DLG4: variants seen among roughly 807,000 people sequenced by gnomAD.
DLG4 encodes disks large homolog 4.
Under a neutral mutation model 93.8 loss-of-function variants are expected in DLG4, and 7 were observed. The observed-to-expected ratio is 0.07, with a 90% CI of 0.04 to 0.14. The LOEUF is 0.14. DLG4 is among the 10% of genes least tolerant of loss of function. DLG4 has a pLI of 1.00. For synonymous variants in DLG4, 341 were observed against 387.6 expected (o/e 0.88, Z 1.41); for missense variants, 545 against 992.9 (o/e 0.55, Z 6.06).
At chr17:7,198,839 CTCCATCTCA>C (rs1416853372) in intron 8 of DLG4, among the ~76,000 whole-genome samples, 2 of 134,570 alleles carry the variant, frequency 1.5e-5, no homozygotes, top group African/African-American at 5.8e-5. Flanking sequence ...CAGAGTGAGA[CTCCATCTCA>C]AAAAAAAAAA....
chr17:7,208,091 T>A lies in DLG4; in HGVS notation c.96+83A>T, dbSNP rs760046601. On this transcript the variant is annotated intron_variant, in intron 2 of 19. Coordinates refer to ENST00000399506, the MANE Select transcript of DLG4 (RefSeq NM_001321075.3). The surrounding 1 kb of genome is among the most constrained non-coding windows in gnomAD (Gnocchi z 5.4). ...GTCTCCTACCTTGAAGGGGGAGAGG[T>A]GGGCGTGGCCCACGACCCCGTGGCC... 3.0e-6 allele frequency: 4 copies of A among 1,315,598 alleles called. No individual in the cohort carries two copies. The East Asian group carries it at 1.1e-4, about 37-fold the overall frequency. The allele number at this position is 1,315,598 out of a possible 1,614,324, so 81.5% of individuals were successfully genotyped here. A position where few individuals can be genotyped will look rare whatever the true frequency, so the allele number is the denominator to read the frequency against.
At chr17:7,198,824 G>A (rs1477662885) in intron 8 of DLG4, among the ~76,000 whole-genome samples, 22 of 148,876 alleles carry the variant, frequency 1.5e-4, no homozygotes, top group Admixed American at 1.0e-3. Flanking sequence ...CTCCAGCCTG[G>A]GTGACAGAGT....
chr17:7,196,530 T>C lies in DLG4; in HGVS notation c.1129A>G (p.Ile377Val), dbSNP rs1410166649. 5 of 1,614,018 alleles carry C rather than the reference T, an allele frequency of 3.1e-6. No individual in the cohort carries two copies. Among genetic ancestry groups the C allele is most frequent in the Non-Finnish European group, 4.2e-6 (5 of 1,179,886 alleles). Residue 377 changes from isoleucine (I) to valine (V), a missense_variant, in exon 10 of 20, where the codon ATT becomes GTT. Around this residue, in one of 5 missense-constraint regions of DLG4, gnomAD observed 428 missense variants for 741.4 expected, o/e 0.58. Transcript: ENST00000399506. The surrounding 1 kb of genome is among the most constrained non-coding windows in gnomAD (Gnocchi z 8.3). ...LRNASHEQAA[I>V]ALKNAGQTVT... is the part of the protein sequence containing the mutation. ...GTCTGACCCGCATTCTTCAGGGCAA[T>C]GGCAGCCTGCTCATGGCTGGCATTT... is the stretch of plus-strand genomic sequence containing the variant.
In DLG4 at chr17:7,203,241, AC is replaced by A; in HGVS notation, c.593del (p.Gly198ValfsTer23). 6.2e-7 allele frequency: 1 copy of A among 1,610,020 alleles called. No homozygotes were observed. The highest frequency in any genetic ancestry group is 8.5e-7 in the Non-Finnish European group (1 of 1,176,704). ...GCAACCTCCCATCCTTGTGGGCAGC[AC>A]CCCCTTCGATGATCTTTGTTACATA... ...SIYVTKIIEG[G>X]AAHKDGRLQI... On this transcript the variant is annotated frameshift_variant, in exon 7 of 20. Coordinates refer to ENST00000399506, the MANE Select transcript of DLG4 (RefSeq NM_001321075.3). LOFTEE classifies it high-confidence loss of function. This position sits in a 1 kb window ranked among gnomAD's most constrained non-coding sequence, Gnocchi z 7.2.
chr17:7,216,103 C>G (rs1383271960), intron 1 of DLG4, among the ~76,000 whole-genome samples: 1 of 151,690 alleles, frequency 6.6e-6, no homozygotes, highest in Non-Finnish European at 1.5e-5. Context: ...GCCCTGCCCT[C>G]CTCCTACACC....
intron 19 of DLG4, 145 bp from the exon 20 acceptor site, chr17:7,190,959 A>G (rs967505788): frequency 2.0e-6 from 1 of 505,082 alleles, no homozygotes; most frequent in Non-Finnish European, 3.3e-6. Context: ...CCACAGGGGC[A>G]CCTCTTTTTT....
In DLG4 at chr17:7,203,117, G is replaced by T; in HGVS notation, c.643-70C>A. 5 of 1,572,194 alleles carry T rather than the reference G, an allele frequency of 3.2e-6. No individual in the cohort carries two copies. Among genetic ancestry groups the T allele is most frequent in the Non-Finnish European group, 4.3e-6 (5 of 1,151,612 alleles). On this transcript the variant is annotated intron_variant, in intron 7 of 19. Coordinates refer to ENST00000399506, the MANE Select transcript of DLG4 (RefSeq NM_001321075.3). The surrounding 1 kb of genome is among the most constrained non-coding windows in gnomAD (Gnocchi z 7.2). ...CAAGACAGAAGCACTGGGGTGAAGT[G>T]ATGAACTTGGGCCTGCCAGGGCTAG...
At chr17:7,211,135 G>A (rs1337187432) in intron 1 of DLG4, among the ~76,000 whole-genome samples, 1 of 141,976 alleles carries the variant, frequency 7.0e-6, no homozygotes. Flanking sequence ...GGGTGGGGGT[G>A]GGGGCGGGGG....
chr17:7,207,932 A>C, intron 2 of DLG4: 19 of 505,092 alleles, frequency 3.8e-5, no homozygotes, highest in East Asian at 2.3e-4. Flanking sequence ...CCCAGACCCC[A>C]GGAGCCCAAG....
At position 7,188,590 on chromosome 17, in the gene DLG4, T is replaced by C. The variant is rs564596891; in HGVS notation, c.*2118A>G. 1.7e-4 allele frequency among the ~76,000 whole-genome samples: 26 copies of C among 152,244 alleles called. No individual in the cohort carries two copies. The highest frequency in any genetic ancestry group is 6.0e-4 in the African/African-American group (25 of 41,554). On this transcript the variant is annotated 3_prime_UTR_variant, in exon 20 of 20. Coordinates refer to ENST00000399506, the MANE Select transcript of DLG4 (RefSeq NM_001321075.3). Reference sequence around the variant, plus strand: ...GATCTCAGGAGCTTCAGTTAGGACTTAGGGCCAGGAAAATATGACTCCCTA... The same window carrying C: ...GATCTCAGGAGCTTCAGTTAGGACTCAGGGCCAGGAAAATATGACTCCCTA...
In DLG4 at chr17:7,196,499, G is replaced by T; in HGVS notation, c.1160C>A (p.Thr387Lys). 2 of 1,613,990 alleles carry T rather than the reference G, an allele frequency of 1.2e-6. No individual in the cohort carries two copies. The highest frequency in any genetic ancestry group is 1.7e-6 in the Non-Finnish European group (2 of 1,179,888). The change falls in exon 10 of 20, where the codon ACG becomes AAG. Residue 387 changes from threonine (T) to lysine (K), a missense_variant. Thr to Lys is a moderately conservative substitution (Grantham distance 78). Around this residue, in one of 5 missense-constraint regions of DLG4, gnomAD observed 428 missense variants for 741.4 expected, o/e 0.58. Coordinates refer to ENST00000399506, the MANE Select transcript of DLG4 (RefSeq NM_001321075.3). The surrounding 1 kb of genome is among the most constrained non-coding windows in gnomAD (Gnocchi z 8.3). The part of the protein sequence containing the change: ...IALKNAGQTV[T>K]IIAQYKPEEY... The stretch of plus-strand genomic sequence containing the variant: ...TTCTGGTTTATACTGAGCGATGATC[G>T]TGACCGTCTGACCCGCATTCTTCAG...
At position 7,217,099 on chromosome 17, in the gene DLG4, GC is replaced by G. The variant is rs755662999; in HGVS notation, c.30+18del. ...ACTCATACCCTCCCCCCAGTTTATAGCCCCCCCATCATGCTTACCTTGGTTG... is the reference window on the plus strand; with the variant it reads ...ACTCATACCCTCCCCCCAGTTTATAGCCCCCCATCATGCTTACCTTGGTTG... On this transcript the variant is annotated intron_variant, in intron 1 of 19. Coordinates refer to ENST00000399506, the MANE Select transcript of DLG4 (RefSeq NM_001321075.3). The G allele has an allele frequency of 2.0e-5, 26 of 1,284,314 alleles. No homozygotes were observed. Among genetic ancestry groups the G allele is most frequent in the South Asian group, 1.3e-4 (4 of 29,830 alleles). 79.6% of individuals were successfully genotyped at this position (1,284,314 alleles called of 1,614,324 possible).
At chr17:7,214,283 G>C (rs975865273) in intron 1 of DLG4, among the ~76,000 whole-genome samples, 1 of 152,204 alleles carries the variant, frequency 6.6e-6, no homozygotes, top group South Asian at 2.1e-4. Context: ...CTTTACGCAC[G>C]GGGGGCCACG....
upstream of DLG4, chr17:7,219,963 C>A (rs779056818): frequency 1.3e-6 from 2 of 1,594,060 alleles, no homozygotes; most frequent in Non-Finnish European, 1.7e-6. Flanking sequence ...CTCGAGCCAG[C>A]GGCGCCCGGA....
In DLG4 at chr17:7,207,954, C is replaced by T. The variant is rs971798732; in HGVS notation, c.96+220G>A. The stretch of plus-strand genomic sequence containing the variant: ...CCCAGGAGCCCAAGCCCCAAACCCC[C>T]GCCCCCAGTCCCAGCATCCCCCTCC... On this transcript the variant is annotated intron_variant, in intron 2 of 19. Coordinates refer to ENST00000399506, the MANE Select transcript of DLG4 (RefSeq NM_001321075.3). 1.1e-5 allele frequency: 10 copies of T among 910,492 alleles called. 1 individual carries two copies. The East Asian group carries it at 3.6e-4, about 32-fold the overall frequency. The allele number at this position is 910,492 out of a possible 1,614,324, so 56.4% of individuals were successfully genotyped here. A position where few individuals can be genotyped will look rare whatever the true frequency, so the allele number is the denominator to read the frequency against.
rs867944027 is a variant in DLG4 at position 7,195,792 on chromosome 17, G to A, written c.1301+428C>T. Among the ~76,000 whole-genome samples, 7 of 152,306 alleles carry A rather than the reference G, an allele frequency of 4.6e-5. No homozygotes were observed. The highest frequency in any genetic ancestry group is 2.1e-4 in the South Asian group (1 of 4,828). On this transcript the variant is annotated intron_variant, in intron 11 of 19. Coordinates refer to ENST00000399506, the MANE Select transcript of DLG4 (RefSeq NM_001321075.3). The surrounding 1 kb of genome is among the most constrained non-coding windows in gnomAD (Gnocchi z 4.3). Reference sequence around the variant, plus strand: ...GTCAATGGAGACGAGCCCTAAGAGGGGAGCAAAATGCCGCTGGAGAGACGG... The same window carrying A: ...GTCAATGGAGACGAGCCCTAAGAGGAGAGCAAAATGCCGCTGGAGAGACGG...
rs61283875 is a variant in DLG4 at position 7,187,547 on chromosome 17, CAATAATAATAAT to C, written c.*3149_*3160del. Among the ~76,000 whole-genome samples, 6 of 145,808 alleles carry C rather than the reference CAATAATAATAAT, an allele frequency of 4.1e-5. No homozygotes were observed. Among genetic ancestry groups the C allele is most frequent in the Admixed American group, 2.8e-4 (4 of 14,478 alleles). On this transcript the variant is annotated 3_prime_UTR_variant, in exon 20 of 20. Coordinates refer to ENST00000399506, the MANE Select transcript of DLG4 (RefSeq NM_001321075.3). ...GGCAACAAGAGCGAAACTCTGTCTCCAATAATAATAATAATAATAATAATAATAATACATGCA... is the reference window on the plus strand; with the variant it reads ...GGCAACAAGAGCGAAACTCTGTCTCCAATAATAATAATAATAATACATGCA...
intron 1 of DLG4, among the ~76,000 whole-genome samples, chr17:7,214,211 T>C (rs1400125709): frequency 6.6e-6 from 1 of 152,048 alleles, no homozygotes; most frequent in Non-Finnish European, 1.5e-5. Flanking sequence ...CCCCGGATTC[T>C]CCTTTCCAAA....
intron 1 of DLG4, among the ~76,000 whole-genome samples, chr17:7,210,894 T>A (rs2070678569): frequency 6.6e-6 from 1 of 151,936 alleles, no homozygotes; most frequent in Non-Finnish European, 1.5e-5. Context: ...GAAGGTAAAC[T>A]TTTATCTCAG....
Sources: allele counts gnomAD v4.1 joint callset (sites outside exome capture counted in the v4.1 genomes callset), GRCh38; gene constraint gnomAD v4.1.1; regional missense constraint gnomAD v4.1.1; non-coding constraint Gnocchi (gnomAD v3.1); transcripts MANE v1.5; gene names NCBI Gene and HGNC (gene_info 2026-07-23, HGNC 2026-07-21).